SLC43A1: variants seen among roughly 807,000 people sequenced by gnomAD.
SLC43A1 encodes solute carrier family 43 member 1.
SLC43A1 carries 31 observed loss-of-function variants against 59.5 expected under a neutral mutation model. That is an observed-to-expected ratio of 0.52 (90% CI 0.39 to 0.70). The LOEUF (loss-of-function observed/expected upper bound fraction) is 0.70, where lower values mean the gene tolerates loss of function less well. Ranked by LOEUF, SLC43A1 falls within the 30% of genes least tolerant of loss-of-function variation. SLC43A1 has a pLI of 0.00. For missense variants in SLC43A1, 598 were observed against 717.8 expected (o/e 0.83, Z 1.91); for synonymous variants, 259 against 290.9 (o/e 0.89, Z 1.12).
chr11:57,505,111 T>TC (rs1944363331), intron 2 of SLC43A1, among the ~76,000 whole-genome samples: 1 of 152,252 alleles, frequency 6.6e-6, no homozygotes, highest in Non-Finnish European at 1.5e-5. Context: ...AAGCAGTGTT[T>TC]CCCAATATGT....
chr11:57,499,532 A>C (rs1006184935), intron 5 of SLC43A1: 2 of 152,100 alleles, frequency 1.3e-5, no homozygotes, highest in Non-Finnish European at 2.9e-5. Context: ...AGGGGCCACA[A>C]ACGCTGTCTG....
chr11:57,493,546 G>A (rs999813157), intron 8 of SLC43A1, among the ~76,000 whole-genome samples: 1 of 152,132 alleles, frequency 6.6e-6, no homozygotes, highest in African/African-American at 2.4e-5. Flanking sequence ...TGGCGGTCCT[G>A]GGATCTTCAT....
intron 2 of SLC43A1, among the ~76,000 whole-genome samples, chr11:57,508,346 T>G (rs969553954): frequency 1.3e-5 from 2 of 151,952 alleles, no homozygotes; most frequent in African/African-American, 4.8e-5. Flanking sequence ...ATAGCGGAGT[T>G]GGAAGTCTGC....
In SLC43A1 at chr11:57,491,783, C is replaced by G. The variant is rs1943911935; in HGVS notation, c.951G>C (p.Arg317=). The change falls in exon 9 of 15, where the codon CGG becomes CGC. Residue 317 remains arginine, a synonymous_variant. Coordinates refer to ENST00000278426, the MANE Select transcript of SLC43A1 (RefSeq NM_003627.6). ...SLLTMGMTQL[R]IIFYMAAVNK... is the part of the protein sequence containing the mutation. ...TCACAGCAGCCATGTAGAAGATGATCCGCAGCTGGGTCATGCCCATGGTGA... is the reference window on the plus strand; with the variant it reads ...TCACAGCAGCCATGTAGAAGATGATGCGCAGCTGGGTCATGCCCATGGTGA... The G allele has an allele frequency of 6.2e-7, 1 of 1,614,124 alleles. No individual in the cohort carries two copies. Among genetic ancestry groups the G allele is most frequent in the Non-Finnish European group, 8.5e-7 (1 of 1,180,044 alleles).
At chr11:57,495,306 T>C (rs1457844297) in intron 7 of SLC43A1, among the ~76,000 whole-genome samples, 3 of 150,382 alleles carry the variant, frequency 2.0e-5, no homozygotes. Flanking sequence ...CTGGCCAACA[T>C]GGTGAAACCC....
At chr11:57,495,720 G>A (rs1944060104) in intron 7 of SLC43A1, among the ~76,000 whole-genome samples, 1 of 152,130 alleles carries the variant, frequency 6.6e-6, no homozygotes, top group Non-Finnish European at 1.5e-5. Flanking sequence ...AGCTCCTCGG[G>A]AGGCAGAGGG....
At chr11:57,508,267 CAA>C (rs56859989) in intron 2 of SLC43A1, among the ~76,000 whole-genome samples, 5 of 138,620 alleles carry the variant, frequency 3.6e-5, no homozygotes, top group Non-Finnish European at 3.1e-5. Flanking sequence ...ATTCCATCTC[CAA>C]AAAAAAAAAA....
In SLC43A1 at chr11:57,514,088, C is replaced by T; in HGVS notation, c.24G>A (p.Ala8=). The part of the protein sequence containing the change: MAPTLQQ[A]YRRRWWMACT... ...AGGCCATCCACCAGCGCCTCCGGTA[C>T]GCCTGTTGCAGCGTGGGGGCCATGC... is the stretch of plus-strand genomic sequence containing the variant. The change falls in exon 2 of 15, where the codon GCG becomes GCA. Residue 8 remains alanine, a synonymous_variant. Coordinates refer to ENST00000278426, the MANE Select transcript of SLC43A1 (RefSeq NM_003627.6). The surrounding 1 kb of genome is among the most constrained non-coding windows in gnomAD (Gnocchi z 5.5). The T allele has an allele frequency of 6.2e-7, 1 of 1,600,330 alleles. No homozygotes were observed. Among genetic ancestry groups the T allele is most frequent in the Non-Finnish European group, 8.5e-7 (1 of 1,173,774 alleles).
rs1480194138 is a variant in SLC43A1 at position 57,492,337 on chromosome 11, C to T, written c.872-475G>A. The stretch of plus-strand genomic sequence containing the variant: ...GCATGGTGGTGCACACCTGTATTCC[C>T]AGCTACTCAGGAGGCTGAGGCAGGA... On this transcript the variant is annotated intron_variant, in intron 8 of 14. Coordinates refer to ENST00000278426, the MANE Select transcript of SLC43A1 (RefSeq NM_003627.6). Among the ~76,000 whole-genome samples the T allele has an allele frequency of 5.0e-5, 7 of 139,900 alleles. No individual in the cohort carries two copies. The East Asian group carries it at 1.4e-3, about 28-fold the overall frequency. 91.8% of individuals were successfully genotyped at this position (139,900 alleles called of 152,430 possible). A position where few individuals can be genotyped will look rare whatever the true frequency, so the allele number is the denominator to read the frequency against.
chr11:57,489,457 T>C, intron 11 of SLC43A1, 65 bp from the exon 12 acceptor site: 2 of 1,583,508 alleles, frequency 1.3e-6, no homozygotes, highest in Non-Finnish European at 8.6e-7. Flanking sequence ...GTTCTTGGCC[T>C]GGCCCCTCCC....
At chr11:57,498,621 C>T (rs1054822679) in intron 5 of SLC43A1, among the ~76,000 whole-genome samples, 2 of 152,004 alleles carry the variant, frequency 1.3e-5, no homozygotes, top group Non-Finnish European at 2.9e-5. Context: ...GGCTGTGTCC[C>T]GGTAATAGGC....
rs527968494 is a variant in SLC43A1, at chr11:57,491,143, G to A, written c.1193+81C>T. The A allele has an allele frequency of 2.9e-5, 42 of 1,435,292 alleles. No homozygotes were observed. In the South Asian group the frequency reaches 6.2e-4, roughly 21 times the overall value. 88.9% of individuals were successfully genotyped at this position (1,435,292 alleles called of 1,614,324 possible). A position where few individuals can be genotyped will look rare whatever the true frequency, so the allele number is the denominator to read the frequency against. On this transcript the variant is annotated intron_variant, in intron 11 of 14. Transcript: ENST00000278426. Reference sequence around the variant, plus strand: ...TAGGGTTCTTGGGAGAAAGCAACAAGTTGCTGGATGTAAACGCACAGAGAA... The same window carrying A: ...TAGGGTTCTTGGGAGAAAGCAACAAATTGCTGGATGTAAACGCACAGAGAA...
intron 2 of SLC43A1, among the ~76,000 whole-genome samples, chr11:57,511,464 T>C (rs903421217): frequency 1.8e-4 from 28 of 151,784 alleles, no homozygotes; most frequent in Admixed American, 7.9e-4. Context: ...AGAAGAACAT[T>C]TGGGTCTCAC....
Position 57,515,018 on chromosome 11 carries a change from G to T in SLC43A1, c.-14+426C>A. On this transcript the variant is annotated intron_variant, in intron 1 of 14. Transcript: ENST00000278426. This position sits in a 1 kb window ranked among gnomAD's most constrained non-coding sequence, Gnocchi z 5.3. ...GAGAGGGAACGCGGGCGGCGCGGGG[G>T]CGGGGAGCGACAACTGGGATGAGAC... The T allele has an allele frequency of 8.1e-6, 8 of 985,104 alleles. No individual in the cohort carries two copies. The highest frequency in any genetic ancestry group is 9.6e-6 in the Non-Finnish European group (8 of 829,668). 61.0% of individuals were successfully genotyped at this position (985,104 alleles called of 1,614,324 possible). A position where few individuals can be genotyped will look rare whatever the true frequency, so the allele number is the denominator to read the frequency against.
intron 11 of SLC43A1, 36 bp downstream of exon 11, chr11:57,491,188 C>T: frequency 6.7e-7 from 1 of 1,495,266 alleles, no homozygotes; most frequent in Non-Finnish European, 8.9e-7. Context: ...CACTGCCTGA[C>T]CACTTGCTGT....
intron 5 of SLC43A1, among the ~76,000 whole-genome samples, chr11:57,499,155 T>C (rs1944176625): frequency 2.0e-5 from 3 of 152,006 alleles, no homozygotes. Flanking sequence ...AAACCCCGTC[T>C]CCACTAAAAT....
At chr11:57,489,217 G>A in intron 12 of SLC43A1, 34 bp downstream of exon 12, 1 of 1,613,558 alleles carries the variant, frequency 6.2e-7, no homozygotes, top group South Asian at 1.1e-5. Flanking sequence ...GGAGCCTCGG[G>A]AGGCAGGGAG....
intron 12 of SLC43A1, 44 bp from the exon 13 acceptor site, chr11:57,489,033 G>A (rs1207861622): frequency 6.3e-7 from 1 of 1,586,634 alleles, no homozygotes; most frequent in African/African-American, 1.3e-5. Flanking sequence ...AGAGTGTGTG[G>A]AGGCTGGAGG....
chr11:57,491,158 C>A, intron 11 of SLC43A1, 66 bp downstream of exon 11: 1 of 1,465,274 alleles, frequency 6.8e-7, no homozygotes, highest in Non-Finnish European at 9.1e-7. Context: ...TGGATGTAAA[C>A]GCACAGAGAA....
Sources: gnomAD v4.1 joint callset for allele counts (sites outside exome capture counted in the v4.1 genomes callset) on GRCh38, gnomAD v4.1.1 for gene constraint, Gnocchi (gnomAD v3.1) non-coding constraint, MANE v1.5 for transcripts, NCBI Gene and HGNC (gene_info 2026-07-23, HGNC 2026-07-21) for gene names.